NDST4: variants seen among roughly 807,000 people sequenced by gnomAD.
The protein encoded by NDST4 is N-deacetylase and N-sulfotransferase 4, also known as N-heparan sulfate sulfotransferase 4.
NDST4 carries 63 observed loss-of-function variants against 100.8 expected under a neutral mutation model. The ratio of observed to expected loss-of-function variants is 0.62; its 90% CI spans 0.51 to 0.77. The LOEUF is 0.77. Ranked by LOEUF, NDST4 falls within the 30% of genes least tolerant of loss-of-function variation. NDST4 has a pLI of 0.00. For synonymous variants in NDST4, 377 were observed against 361.8 expected (o/e 1.04, Z -0.48); for missense variants, 943 against 1,018.4 (o/e 0.93, Z 1.01).
At chr4:114,867,667 A>AAAAAAAAAAAAAAAAAAAAAG (rs1560786349) in intron 7 of NDST4, among the ~76,000 whole-genome samples, 2 of 111,240 alleles carry the variant, frequency 1.8e-5, no homozygotes, top group African/African-American at 8.0e-5. Flanking sequence ...AAAAAAAGCA[A>AAAAAAAAAAAAAAAAAAAAAG]AAAAAAAAAA....
chr4:114,855,767 G>C (rs1723779862), intron 7 of NDST4, among the ~76,000 whole-genome samples: 1 of 152,074 alleles, frequency 6.6e-6, no homozygotes, highest in Non-Finnish European at 1.5e-5. Context: ...GTCCATTGTG[G>C]TTCCATGTTA....
intron 2 of NDST4, among the ~76,000 whole-genome samples, chr4:114,984,582 C>T (rs1429833448): frequency 6.6e-6 from 1 of 152,052 alleles, no homozygotes; most frequent in Non-Finnish European, 1.5e-5. Context: ...TCTTATTTAT[C>T]CTAAGTAGAT....
At chr4:115,078,713 T>C (rs971865361) in intron 1 of NDST4, among the ~76,000 whole-genome samples, 1 of 151,854 alleles carries the variant, frequency 6.6e-6, no homozygotes, top group Admixed American at 6.6e-5. Flanking sequence ...TGGTGGTGGG[T>C]GCCTGTAATC....
intron 6 of NDST4, among the ~76,000 whole-genome samples, chr4:114,924,113 C>T (rs1038588300): frequency 2.6e-5 from 4 of 151,986 alleles, no homozygotes; most frequent in Admixed American, 2.6e-4. Context: ...AGGAGGCAAA[C>T]ATATTTTGGT....
chr4:114,891,626 A>G (rs1724600048), intron 6 of NDST4, among the ~76,000 whole-genome samples: 1 of 151,940 alleles, frequency 6.6e-6, no homozygotes, highest in Admixed American at 6.6e-5. Flanking sequence ...CTCTTTAGCT[A>G]TACTGCAGGA....
intron 2 of NDST4, among the ~76,000 whole-genome samples, chr4:115,049,303 G>GTAAGA (rs971779405): frequency 1.3e-5 from 2 of 151,980 alleles, no homozygotes; most frequent in Non-Finnish European, 2.9e-5. Context: ...AAAGAGACCA[G>GTAAGA]TAAGATGTCA....
At chr4:114,934,015 G>A (rs1488697106) in intron 6 of NDST4, among the ~76,000 whole-genome samples, 1 of 152,104 alleles carries the variant, frequency 6.6e-6, no homozygotes, top group African/African-American at 2.4e-5. Flanking sequence ...AATGAAATTA[G>A]TGTGTTCAAG....
At chr4:115,103,440 A>G (rs1560601393) in intron 1 of NDST4, among the ~76,000 whole-genome samples, 2 of 152,166 alleles carry the variant, frequency 1.3e-5, no homozygotes, top group African/African-American at 4.8e-5. Context: ...AATATCATGA[A>G]GTAAAATTTT....
In NDST4 at chr4:115,109,109, A is replaced by G. The variant is rs376053155; in HGVS notation, c.-247+4335T>C. Among the ~76,000 whole-genome samples the G allele has an allele frequency of 2.0e-4, 30 of 151,896 alleles. No individual in the cohort carries two copies. The South Asian group carries it at 5.6e-3, about 28-fold the overall frequency. ...AAATAAGAAGAGAAGAGAGAAAAGAATAAAGAAAAAGAATAGAAAAAGAGA... is the reference window on the plus strand; with the variant it reads ...AAATAAGAAGAGAAGAGAGAAAAGAGTAAAGAAAAAGAATAGAAAAAGAGA... On this transcript the variant is annotated intron_variant, in intron 1 of 13. Transcript: ENST00000264363.
chr4:115,016,957 T>C (rs1461077601), intron 2 of NDST4, among the ~76,000 whole-genome samples: 5 of 151,830 alleles, frequency 3.3e-5, no homozygotes, highest in African/African-American at 1.2e-4. Flanking sequence ...GTAATAATCA[T>C]ACTTCCTCCT....
chr4:114,883,563 AAC>A (rs1311158328), intron 6 of NDST4, among the ~76,000 whole-genome samples: 1 of 152,104 alleles, frequency 6.6e-6, no homozygotes, highest in African/African-American at 2.4e-5. Flanking sequence ...AAAAGTAGAA[AAC>A]AGTTACAACT....
intron 6 of NDST4, among the ~76,000 whole-genome samples, chr4:114,893,477 G>T (rs1724642875): frequency 6.6e-6 from 1 of 152,062 alleles, no homozygotes. Flanking sequence ...GTTTTGATTT[G>T]CATTTCTCTG....
At chr4:114,854,180 C>T (rs1253358839) in intron 7 of NDST4, among the ~76,000 whole-genome samples, 1 of 152,128 alleles carries the variant, frequency 6.6e-6, no homozygotes, top group African/African-American at 2.4e-5. Flanking sequence ...TCCATGAGTT[C>T]AATTGTTTTA....
At chr4:115,056,355 A>G (rs567081254) in intron 2 of NDST4, among the ~76,000 whole-genome samples, 1 of 152,152 alleles carries the variant, frequency 6.6e-6, no homozygotes, top group Admixed American at 6.6e-5. Context: ...AAACATTTAT[A>G]GTATTAGCTT....
At chr4:115,049,090 A>G (rs1343137687) in intron 2 of NDST4, among the ~76,000 whole-genome samples, 1 of 152,188 alleles carries the variant, frequency 6.6e-6, no homozygotes, top group Non-Finnish European at 1.5e-5. Flanking sequence ...ATTTTTGTTG[A>G]AAGCAGTAAT....
intron 1 of NDST4, among the ~76,000 whole-genome samples, chr4:115,093,246 T>C (rs904320797): frequency 4.4e-4 from 67 of 152,046 alleles, no homozygotes; most frequent in South Asian, 8.3e-4. Context: ...GAGGCCAAGG[T>C]GGGCAGATCA....
intron 3 of NDST4, among the ~76,000 whole-genome samples, chr4:114,971,892 C>T (rs1040826792): frequency 6.6e-6 from 1 of 151,994 alleles, no homozygotes; most frequent in Admixed American, 6.6e-5. Context: ...ACAAGTTAAC[C>T]TCTCTAGGTC....
chr4:115,038,285 T>C (rs1218853972), intron 2 of NDST4, among the ~76,000 whole-genome samples: 1 of 152,176 alleles, frequency 6.6e-6, no homozygotes, highest in Admixed American at 6.5e-5. Flanking sequence ...AGTTATTGAA[T>C]AGGAAATCAT....
At chr4:115,037,532 A>G (rs939318448) in intron 2 of NDST4, among the ~76,000 whole-genome samples, 1 of 152,072 alleles carries the variant, frequency 6.6e-6, no homozygotes, top group Non-Finnish European at 1.5e-5. Flanking sequence ...TTCTTATTAT[A>G]TTGTTATGTG....
Sources: gnomAD v4.1 joint callset for allele counts (sites outside exome capture counted in the v4.1 genomes callset) on GRCh38, gnomAD v4.1.1 for gene constraint, MANE v1.5 for transcripts, NCBI Gene and HGNC (gene_info 2026-07-23, HGNC 2026-07-21) for gene names.